Variants in RNASET2 observed in about 807,000 individuals in gnomAD.
RNASET2 encodes ribonuclease 6.
Under a neutral mutation model 33.9 loss-of-function variants are expected in RNASET2, and 28 were observed. The ratio of observed to expected loss-of-function variants is 0.83; its 90% CI spans 0.61 to 1.13. The LOEUF is 1.13. Among genes scored for constraint, RNASET2 ranks in the 50% most tolerant of loss-of-function variants. The pLI, the probability that RNASET2 is intolerant of heterozygous loss-of-function variation, is 0.00. For missense variants in RNASET2, 330 were observed against 319.9 expected, an observed-to-expected ratio of 1.03 and a Z score of -0.24; for synonymous variants, 123 against 121.0, an observed-to-expected ratio of 1.02 and a Z score of -0.11.
At chr6:166,935,014 G>A (rs557853952) in intron 6 of RNASET2, 116 of 152,218 alleles carry the variant, frequency 7.6e-4, no homozygotes, top group African/African-American at 2.7e-3. Context: ...TCTAGATCAC[G>A]ATCACAGAGT....
chr6:166,947,952 T>C (rs1778887656), intron 3 of RNASET2, among the ~76,000 whole-genome samples: 1 of 152,210 alleles, frequency 6.6e-6, no homozygotes, highest in Admixed American at 6.5e-5. Context: ...TTATGTATTT[T>C]CATGTAGTTA....
rs925145395 is a variant in RNASET2, at chr6:166,937,082, A to G, written c.446+1813T>C. Among the ~76,000 whole-genome samples, 3 of 151,832 alleles carry G rather than the reference A, an allele frequency of 2.0e-5. No individual in the cohort carries two copies. The East Asian group carries it at 5.8e-4, about 29-fold the overall frequency. On this transcript the variant is annotated intron_variant, in intron 6 of 8. Transcript: ENST00000508775. ...TCAGCAATGTCAGACTTTCTTTTTAACTGCAAGTCTCCTGTGCTCCAGGAG... is the reference window on the plus strand; with the variant it reads ...TCAGCAATGTCAGACTTTCTTTTTAGCTGCAAGTCTCCTGTGCTCCAGGAG...
chr6:166,943,532 TG>T lies in RNASET2; in HGVS notation c.262-444del, dbSNP rs916304881. The T allele has an allele frequency of 4.8e-5, 15 of 312,916 alleles. No homozygotes were observed. The East Asian group carries it at 5.0e-4, about 11-fold the overall frequency. 19.4% of individuals were successfully genotyped at this position (312,916 alleles called of 1,614,324 possible). A position where few individuals can be genotyped will look rare whatever the true frequency, so the allele number is the denominator to read the frequency against. On this transcript the variant is annotated intron_variant, in intron 4 of 8. Transcript: ENST00000508775. ...GACAGGAATGAGATTCGCGGTTGCT[TG>T]GGGGTTCAAGGGGAGGAAGAAGGGG...
chr6:166,939,190 C>T (rs1025552520), intron 5 of RNASET2, among the ~76,000 whole-genome samples, 182 bp from the exon 6 acceptor site: 6 of 152,074 alleles, frequency 3.9e-5, no homozygotes, highest in East Asian at 1.9e-4. Context: ...AAAAATTAGC[C>T]GAGTGTGGTG....
chr6:166,922,563 A>G lies in RNASET2; in HGVS notation c.*7025T>C, dbSNP rs536007142. Among the ~76,000 whole-genome samples, 1 of 152,314 alleles carries G rather than the reference A, an allele frequency of 6.6e-6. No individual in the cohort carries two copies. The highest frequency in any genetic ancestry group is 2.1e-4 in the South Asian group (1 of 4,822). ...ATGGCTGAGTCTATTCTGCTCTAAA[A>G]CATTCAGAGAAAAACCAATCGGGTG... On this transcript the variant is annotated 3_prime_UTR_variant, in exon 9 of 9. Coordinates refer to ENST00000508775, the MANE Select transcript of RNASET2 (RefSeq NM_003730.6).
At chr6:166,937,067 C>T (rs1243573109) in intron 6 of RNASET2, among the ~76,000 whole-genome samples, 1 of 152,180 alleles carries the variant, frequency 6.6e-6, no homozygotes, top group African/African-American at 2.4e-5. Context: ...TCAGCAATGT[C>T]AGACTTTCTT....
rs1338483628 is a variant in RNASET2 at position 166,923,132 on chromosome 6, G to A, written c.*6456C>T. On this transcript the variant is annotated 3_prime_UTR_variant, in exon 9 of 9. Coordinates refer to ENST00000508775, the MANE Select transcript of RNASET2 (RefSeq NM_003730.6). ...AGATGGAGTCTCACTCTGTTGCCCA[G>A]GCTGGAGGGTGGAGCGCAGTGGCGC... Among the ~76,000 whole-genome samples the A allele has an allele frequency of 2.6e-5, 4 of 152,182 alleles. No homozygotes were observed. In the East Asian group the frequency reaches 7.7e-4, roughly 29 times the overall value.
chr6:166,931,951 C>A (rs1476006145), intron 7 of RNASET2: 3 of 153,564 alleles, frequency 2.0e-5, no homozygotes, highest in Non-Finnish European at 4.3e-5. Context: ...TCACTTATGG[C>A]GAGTTTTCAC....
chr6:166,941,345 T>TA (rs1289781010), intron 5 of RNASET2, among the ~76,000 whole-genome samples: 1 of 152,216 alleles, frequency 6.6e-6, no homozygotes, highest in Non-Finnish European at 1.5e-5. Flanking sequence ...GCCATTTAGC[T>TA]AAAATCTGAC....
At chr6:166,948,700 C>T in intron 2 of RNASET2, 75 bp from the exon 3 acceptor site, 1 of 837,402 alleles carries the variant, frequency 1.2e-6, no homozygotes, top group Non-Finnish European at 2.0e-6. Context: ...TATTAAAATA[C>T]ATTTAGCAGC....
At chr6:166,947,738 G>A (rs920495116) in intron 3 of RNASET2, among the ~76,000 whole-genome samples, 3 of 152,188 alleles carry the variant, frequency 2.0e-5, no homozygotes, top group African/African-American at 7.2e-5. Flanking sequence ...GAGCCAGGAG[G>A]CACCAATTAA....
At chr6:166,955,974 G>C (rs1779154881) in intron 1 of RNASET2, 123 bp downstream of exon 1, 144 of 799,012 alleles carry the variant, frequency 1.8e-4, no homozygotes, top group Middle Eastern at 3.0e-4. Flanking sequence ...GGCTCCCCCC[G>C]CCCTCCCCAG....
chr6:166,950,675 C>G (rs1289615553), intron 2 of RNASET2, among the ~76,000 whole-genome samples: 1 of 152,226 alleles, frequency 6.6e-6, no homozygotes, highest in Non-Finnish European at 1.5e-5. Context: ...TGTCCTGGCT[C>G]TGGGTGCTCC....
intron 8 of RNASET2, 103 bp downstream of exon 8, chr6:166,930,941 A>G: frequency 1.2e-6 from 1 of 847,968 alleles, no homozygotes; most frequent in South Asian, 1.3e-5. Flanking sequence ...AAATGCACAA[A>G]TACAAGTCTG....
chr6:166,939,055 T>A (rs768817722), intron 5 of RNASET2, 47 bp from the exon 6 acceptor site: 4 of 1,355,950 alleles, frequency 2.9e-6, no homozygotes, highest in Middle Eastern at 3.9e-4. Flanking sequence ...TGAAACAGGC[T>A]GCGTGCAGTG....
chr6:166,931,678 AGTCCT>A, intron 7 of RNASET2: 1 of 169,072 alleles, frequency 5.9e-6, no homozygotes, highest in Non-Finnish European at 1.3e-5. Flanking sequence ...CTACTGAGGG[AGTCCT>A]CCCCCACTGC....
At chr6:166,932,738 A>C (rs1484960632) in intron 7 of RNASET2, 1 of 152,338 alleles carries the variant, frequency 6.6e-6, no homozygotes, top group Non-Finnish European at 1.5e-5. Flanking sequence ...ACCTGGAAGC[A>C]GCTCAGCAAA....
chr6:166,930,577 A>C (rs1157652580), intron 8 of RNASET2, among the ~76,000 whole-genome samples: 1 of 149,514 alleles, frequency 6.7e-6, no homozygotes, highest in Non-Finnish European at 1.5e-5. Context: ...ATGCACACAC[A>C]TGCACACACA....
chr6:166,935,197 G>A (rs1244634079), intron 6 of RNASET2: 3 of 134,834 alleles, frequency 2.2e-5, no homozygotes, highest in African/African-American at 8.5e-5. Context: ...ATGAATAACA[G>A]GTTTCAGACT....
Sources: gnomAD v4.1 joint callset for allele counts (sites outside exome capture counted in the v4.1 genomes callset) on GRCh38, gnomAD v4.1.1 for gene constraint, MANE v1.5 for transcripts, NCBI Gene and HGNC (gene_info 2026-07-23, HGNC 2026-07-21) for gene names.